Variants in FRMD5 observed in about 807,000 individuals in gnomAD.
The protein encoded by FRMD5 is FERM domain-containing protein 5.
Under a neutral mutation model 69.0 loss-of-function variants are expected in FRMD5, and 20 were observed. The observed-to-expected ratio is 0.29, with a 90% CI of 0.20 to 0.42. FRMD5 has a LOEUF of 0.42. FRMD5 is among the 10% of genes least tolerant of loss of function. The probability of loss-of-function intolerance (pLI) is 1.00; values close to 1 mark genes in which losing one functional copy is unlikely to be tolerated. For missense variants in FRMD5, 595 were observed against 708.6 expected (o/e 0.84, Z 1.82); for synonymous variants, 271 against 260.1 (o/e 1.04, Z -0.40).
chr15:44,154,902 T>A (rs555162039), intron 1 of FRMD5, among the ~76,000 whole-genome samples: 1 of 152,260 alleles, frequency 6.6e-6, no homozygotes, highest in East Asian at 1.9e-4. Context: ...AATTGTACAC[T>A]TTAAATGGGT....
At chr15:43,926,256 G>T (rs2089583768) in intron 1 of FRMD5, among the ~76,000 whole-genome samples, 2 of 152,204 alleles carry the variant, frequency 1.3e-5, no homozygotes, top group Admixed American at 6.5e-5. Flanking sequence ...AAAACATCTG[G>T]AGCCTGCACA....
chr15:43,948,642 A>G (rs2089983086), intron 1 of FRMD5, among the ~76,000 whole-genome samples: 1 of 152,226 alleles, frequency 6.6e-6, no homozygotes, highest in Non-Finnish European at 1.5e-5. Flanking sequence ...GTATAAATAC[A>G]CACACATACC....
intron 1 of FRMD5, among the ~76,000 whole-genome samples, chr15:43,936,618 C>G (rs933005509): frequency 6.6e-6 from 1 of 152,072 alleles, no homozygotes; most frequent in African/African-American, 2.4e-5. Flanking sequence ...GAGGATCAAA[C>G]TGGGGTAAGG....
chr15:44,023,908 C>T lies in FRMD5; in HGVS notation c.103-99599G>A, dbSNP rs569659807. Among the ~76,000 whole-genome samples, 280 of 152,180 alleles carry T rather than the reference C, an allele frequency of 1.8e-3. 2 individuals are homozygous for T. The highest frequency in any genetic ancestry group is 6.5e-3 in the African/African-American group (271 of 41,518). ...AAAGAAGATAACCTTTCTTTACCTT[C>T]CTAGGTCTCGTTTTCCATATCTAGT... is the stretch of plus-strand genomic sequence containing the variant. On this transcript the variant is annotated intron_variant, in intron 1 of 13. Transcript: ENST00000417257.
intron 1 of FRMD5, among the ~76,000 whole-genome samples, chr15:44,009,841 C>T (rs1487610482): frequency 6.6e-6 from 1 of 152,040 alleles, no homozygotes; most frequent in East Asian, 1.9e-4. Flanking sequence ...ATTTATTACC[C>T]TTAAAGTTCC....
rs1367361780 is a variant in FRMD5 at position 43,872,034 on chromosome 15, A to AT, written c.*1850dup. ...CAGCTCACTGTTTTCATAAAGTTTT[A>AT]TTGGAACACAGCCATGTTCCTTCAT... is the stretch of plus-strand genomic sequence containing the variant. On this transcript the variant is annotated 3_prime_UTR_variant, in exon 14 of 14. Transcript: ENST00000417257. 6.6e-6 allele frequency: 1 copy of AT among 152,168 alleles called. No homozygotes were observed. The highest frequency in any genetic ancestry group is 1.5e-5 in the Non-Finnish European group (1 of 68,034). The allele number at this position is 152,168 out of a possible 1,614,324, so 9.4% of individuals were successfully genotyped here. A position where few individuals can be genotyped will look rare whatever the true frequency, so the allele number is the denominator to read the frequency against.
In FRMD5 at chr15:43,883,366, G is replaced by A. The variant is rs536266444; in HGVS notation, c.1135+337C>T. The stretch of plus-strand genomic sequence containing the variant: ...ACCCATCTAGGCCTCCCAAAGTATT[G>A]AGATTACAGGTGTGAGCCACCGCAC... On this transcript the variant is annotated intron_variant, in intron 13 of 13. Transcript: ENST00000417257. Among the ~76,000 whole-genome samples the A allele has an allele frequency of 3.9e-5, 6 of 152,262 alleles. 1 individual carries two copies. In the South Asian group the frequency reaches 1.0e-3, roughly 26 times the overall value.
chr15:44,028,858 G>T (rs1891554189), intron 1 of FRMD5, among the ~76,000 whole-genome samples: 1 of 152,120 alleles, frequency 6.6e-6, no homozygotes, highest in Admixed American at 6.5e-5. Context: ...CTGAATTACT[G>T]GATCAGTTTA....
At position 44,097,036 on chromosome 15, in the gene FRMD5, C is replaced by A. The variant is rs112043003; in HGVS notation, c.102+97917G>T. On this transcript the variant is annotated intron_variant, in intron 1 of 13. Transcript: ENST00000417257. ...AAACACAAGTAGAGAATGGATGTCT[C>A]GAAGAGTTTATTCATAGATTTACTG... Among the ~76,000 whole-genome samples, 1,106 of 152,150 alleles carry A rather than the reference C, an allele frequency of 7.3e-3. 14 individuals are homozygous for A. The highest frequency in any genetic ancestry group is 0.026 in the African/African-American group (1,063 of 41,508).
intron 1 of FRMD5, among the ~76,000 whole-genome samples, chr15:43,927,717 G>A (rs1394041751): frequency 2.7e-5 from 4 of 149,916 alleles, no homozygotes; most frequent in African/African-American, 9.8e-5. Flanking sequence ...CTTTTACATT[G>A]TGATCAGCTG....
chr15:43,917,542 G>T (rs2089413816), intron 4 of FRMD5, among the ~76,000 whole-genome samples: 1 of 151,950 alleles, frequency 6.6e-6, no homozygotes, highest in Admixed American at 6.6e-5. Flanking sequence ...AGGCGTGATG[G>T]CCCGGCTAAT....
intron 1 of FRMD5, among the ~76,000 whole-genome samples, chr15:43,952,370 A>T (rs1008463246): frequency 3.9e-5 from 6 of 152,198 alleles, no homozygotes; most frequent in Non-Finnish European, 7.3e-5. Flanking sequence ...TGTTCTTTAT[A>T]CAGTTTTTAA....
intron 1 of FRMD5, among the ~76,000 whole-genome samples, chr15:44,114,028 G>A (rs191519785): frequency 3.3e-5 from 5 of 151,984 alleles, no homozygotes; most frequent in Middle Eastern, 3.4e-3. Flanking sequence ...TATAACAGTC[G>A]TCCACCATAA....
Position 44,014,644 on chromosome 15 carries a change from G to A in FRMD5, c.103-90335C>T, listed in dbSNP as rs569575630. Reference sequence around the variant, plus strand: ...CCCAGCTACTCAGGAGGCTGACGCAGGAGAATCGCTTGAACCCAGGAGATG... The same window carrying A: ...CCCAGCTACTCAGGAGGCTGACGCAAGAGAATCGCTTGAACCCAGGAGATG... On this transcript the variant is annotated intron_variant, in intron 1 of 13. Transcript: ENST00000417257. 4.4e-3 allele frequency among the ~76,000 whole-genome samples: 672 copies of A among 152,278 alleles called. 3 individuals carry two copies. The highest frequency in any genetic ancestry group is 0.016 in the African/African-American group (645 of 41,566).
At chr15:44,086,166 T>A (rs1894189163) in intron 1 of FRMD5, among the ~76,000 whole-genome samples, 1 of 152,150 alleles carries the variant, frequency 6.6e-6, no homozygotes, top group Non-Finnish European at 1.5e-5. Context: ...GTTTCCTCAA[T>A]AAACTAAACA....
intron 1 of FRMD5, among the ~76,000 whole-genome samples, chr15:44,187,333 T>C (rs2078118638): frequency 6.6e-6 from 1 of 152,214 alleles, no homozygotes; most frequent in East Asian, 1.9e-4. Context: ...TATGCATTAT[T>C]AGTTTAGATT....
At chr15:43,952,308 C>G (rs767581200) in intron 1 of FRMD5, among the ~76,000 whole-genome samples, 71 of 152,224 alleles carry the variant, frequency 4.7e-4, no homozygotes, top group African/African-American at 1.7e-3. Context: ...TGTTCTATTA[C>G]AGGGATTATA....
intron 1 of FRMD5, among the ~76,000 whole-genome samples, chr15:44,104,091 A>G (rs891843172): frequency 2.0e-5 from 3 of 152,216 alleles, no homozygotes; most frequent in Non-Finnish European, 4.4e-5. Flanking sequence ...CAGTGGGACA[A>G]GATATGGAGA....
chr15:44,085,840 C>A (rs1894175541), intron 1 of FRMD5, among the ~76,000 whole-genome samples: 1 of 152,148 alleles, frequency 6.6e-6, no homozygotes, highest in Non-Finnish European at 1.5e-5. Flanking sequence ...TATGTATTAT[C>A]TCAATTATGA....
Sources: allele counts gnomAD v4.1 joint callset (sites outside exome capture counted in the v4.1 genomes callset), GRCh38; gene constraint gnomAD v4.1.1; transcripts MANE v1.5; gene names NCBI Gene and HGNC (gene_info 2026-07-23, HGNC 2026-07-21).